MBD5: variants seen among roughly 807,000 people sequenced by gnomAD.
MBD5 encodes methyl-CpG-binding domain protein 5.
MBD5 carries 13 observed loss-of-function variants against 117.3 expected under a neutral mutation model. The ratio of observed to expected loss-of-function variants is 0.11; its 90% CI spans 0.07 to 0.18. The LOEUF (loss-of-function observed/expected upper bound fraction) is 0.18. Among genes scored for constraint, MBD5 ranks in the 10% least tolerant of loss-of-function variants. The pLI, the probability that MBD5 is intolerant of heterozygous loss-of-function variation, is 1.00. For missense variants in MBD5, 1,879 were observed against 2,093.8 expected (o/e 0.90, Z 2.00); for synonymous variants, 727 against 766.4 (o/e 0.95, Z 0.85).
intron 4 of MBD5, among the ~76,000 whole-genome samples, chr2:148,384,999 C>T (rs951054733): frequency 6.6e-6 from 1 of 152,090 alleles, no homozygotes; most frequent in Non-Finnish European, 1.5e-5. Context: ...GACCTAAAAC[C>T]ATCAAAAACC....
chr2:148,122,552 A>G (rs993283704), intron 1 of MBD5, among the ~76,000 whole-genome samples: 2 of 152,186 alleles, frequency 1.3e-5, no homozygotes, highest in African/African-American at 2.4e-5. Flanking sequence ...TAAAAATTTG[A>G]TATTTGAAGA....
intron 5 of MBD5, among the ~76,000 whole-genome samples, chr2:148,461,161 G>C (rs1209899625): frequency 6.6e-6 from 1 of 152,090 alleles, no homozygotes; most frequent in Non-Finnish European, 1.5e-5. Context: ...TCAAATTCCT[G>C]ACCTCAAGTG....
At chr2:148,417,996 C>G (rs539768341) in intron 4 of MBD5, among the ~76,000 whole-genome samples, 1 of 151,948 alleles carries the variant, frequency 6.6e-6, no homozygotes, top group East Asian at 1.9e-4. Context: ...CCCACCACCA[C>G]GTGCAACTAA....
chr2:148,376,769 T>G (rs192622933), intron 4 of MBD5, among the ~76,000 whole-genome samples: 2,848 of 140,450 alleles, frequency 0.02, 49 homozygotes, highest in Middle Eastern at 0.033. Flanking sequence ...ATTTATATAA[T>G]TATACTATTA....
chr2:148,143,941 G>T (rs1477809403), intron 1 of MBD5, among the ~76,000 whole-genome samples: 1 of 152,086 alleles, frequency 6.6e-6, no homozygotes, highest in Non-Finnish European at 1.5e-5. Context: ...ATAGCAGCAT[G>T]ATTTATAATC....
intron 4 of MBD5, among the ~76,000 whole-genome samples, chr2:148,375,010 G>T (rs1343764947): frequency 6.6e-6 from 1 of 152,126 alleles, no homozygotes; most frequent in Non-Finnish European, 1.5e-5. Flanking sequence ...AATACCTGGT[G>T]TGTATAAATA....
intron 1 of MBD5, among the ~76,000 whole-genome samples, chr2:148,065,190 G>A (rs1695153001): frequency 6.6e-6 from 1 of 152,138 alleles, no homozygotes; most frequent in Non-Finnish European, 1.5e-5. Flanking sequence ...AGTACTCAGG[G>A]AAAGGCAGAC....
At chr2:148,207,537 T>C (rs1400219874) in intron 2 of MBD5, among the ~76,000 whole-genome samples, 1 of 151,526 alleles carries the variant, frequency 6.6e-6, no homozygotes, top group African/African-American at 2.4e-5. Context: ...CCTCAGTCCA[T>C]AACAGATCAT....
At chr2:148,496,288 G>A (rs1681700297) in intron 11 of MBD5, among the ~76,000 whole-genome samples, 1 of 152,014 alleles carries the variant, frequency 6.6e-6, no homozygotes, top group African/African-American at 2.4e-5. Context: ...TAAAATCCAG[G>A]CCAATAAAGT....
intron 4 of MBD5, among the ~76,000 whole-genome samples, chr2:148,441,498 T>A (rs1286886012): frequency 2.6e-5 from 4 of 152,166 alleles, no homozygotes; most frequent in African/African-American, 9.7e-5. Flanking sequence ...CTTAATCCAG[T>A]CTATCATTGT....
intron 1 of MBD5, among the ~76,000 whole-genome samples, chr2:148,102,709 C>CAT (rs1558926398): frequency 4.3e-4 from 8 of 18,726 alleles, no homozygotes; most frequent in Non-Finnish European, 1.2e-3. Context: ...ATCACACACA[C>CAT]ACACACACAC....
intron 4 of MBD5, among the ~76,000 whole-genome samples, chr2:148,410,734 G>A (rs1389287288): frequency 6.6e-6 from 1 of 152,228 alleles, no homozygotes; most frequent in Non-Finnish European, 1.5e-5. Flanking sequence ...ACAGGCATGA[G>A]CCACTGCACC....
chr2:148,248,935 G>A (rs777431008), intron 3 of MBD5, among the ~76,000 whole-genome samples: 1 of 151,960 alleles, frequency 6.6e-6, no homozygotes, highest in Non-Finnish European at 1.5e-5. Flanking sequence ...AGTATACTGG[G>A]ATCATTGATT....
At position 148,513,306 on chromosome 2, in the gene MBD5, A is replaced by G. The variant is rs1682272428; in HGVS notation, c.*365A>G. On this transcript the variant is annotated 3_prime_UTR_variant, in exon 14 of 14. Coordinates refer to ENST00000642680, the MANE Select transcript of MBD5 (RefSeq NM_001378120.1). ...TCATGGTGATATCAGAAATGTAAAT[A>G]TTGTACAGTATTGTCATGTACAAGC... The G allele has an allele frequency of 3.5e-6, 1 of 286,868 alleles. No individual in the cohort carries two copies. The highest frequency in any genetic ancestry group is 6.7e-6 in the Non-Finnish European group (1 of 148,902). The allele number at this position is 286,868 out of a possible 1,614,324, so 17.8% of individuals were successfully genotyped here.
At chr2:148,218,426 G>C (rs962572969) in intron 2 of MBD5, among the ~76,000 whole-genome samples, 2 of 152,176 alleles carry the variant, frequency 1.3e-5, no homozygotes, top group Admixed American at 1.3e-4. Flanking sequence ...GCTAAGAGAA[G>C]TTACATAGCC....
rs541680978 is a variant in MBD5, at chr2:148,442,692, A to G, written c.-556-15511A>G. On this transcript the variant is annotated intron_variant, in intron 4 of 13. Transcript: ENST00000642680. ...AAGGATTAAATGAGCTTGGATATCC[A>G]TATATAAAAGATGGAAACTAGACCC... Among the ~76,000 whole-genome samples the G allele has an allele frequency of 2.8e-4, 42 of 151,472 alleles. 1 individual carries two copies. The South Asian group carries it at 8.3e-3, about 30-fold the overall frequency.
At chr2:148,153,321 A>G (rs1350266163) in intron 1 of MBD5, among the ~76,000 whole-genome samples, 1 of 152,044 alleles carries the variant, frequency 6.6e-6, no homozygotes. Flanking sequence ...TGTTAGTCTG[A>G]TGGGCTTCCC....
chr2:148,113,376 T>C (rs1454748534), intron 1 of MBD5, among the ~76,000 whole-genome samples: 1 of 152,230 alleles, frequency 6.6e-6, no homozygotes, highest in East Asian at 1.9e-4. Context: ...TTTTTAACAG[T>C]ACTTACTCTC....
At chr2:148,470,764 C>T (rs562338395) in intron 8 of MBD5, 9 of 395,478 alleles carry the variant, frequency 2.3e-5, no homozygotes, top group East Asian at 1.6e-4. Flanking sequence ...ATAAGCCATA[C>T]GAGGCAGGGT....
Sources: allele counts gnomAD v4.1 joint callset (sites outside exome capture counted in the v4.1 genomes callset), GRCh38; gene constraint gnomAD v4.1.1; transcripts MANE v1.5; gene names NCBI Gene and HGNC (gene_info 2026-07-23, HGNC 2026-07-21).